The following BAZ1B variants were observed in gnomAD, a reference collection of about 807,000 sequenced individuals.
BAZ1B encodes the protein bromodomain adjacent to zinc finger domain 1B.
A neutral mutation model predicts 153.8 loss-of-function variants in BAZ1B; 22 were observed. The ratio of observed to expected loss-of-function variants is 0.14; its 90% confidence interval spans 0.10 to 0.20. The LOEUF (loss-of-function observed/expected upper bound fraction) is 0.20, where lower values mean the gene tolerates loss of function less well. Ranked by LOEUF, BAZ1B falls within the 10% of genes least tolerant of loss-of-function variation. BAZ1B has a pLI of 1.00. For missense variants in BAZ1B, 1,325 were observed against 1,799.3 expected (o/e 0.74, Z 4.77); for synonymous variants, 676 against 633.4 (o/e 1.07, Z -1.01).
At chr7:73,462,224 G>C (rs1788421331) in intron 12 of BAZ1B, among the ~76,000 whole-genome samples, 1 of 151,942 alleles carries the variant, frequency 6.6e-6, no homozygotes, top group Non-Finnish European at 1.5e-5. Context: ...GTAACAGAGG[G>C]GACTTCATTT....
At chr7:73,504,300 T>G (rs1289764473) in intron 3 of BAZ1B, among the ~76,000 whole-genome samples, 1 of 152,128 alleles carries the variant, frequency 6.6e-6, no homozygotes, top group South Asian at 2.1e-4. Flanking sequence ...GGGAGGATCA[T>G]GCAAGTCCAG....
In BAZ1B at chr7:73,442,259, T is replaced by C. The variant is rs1554565201; in HGVS notation, c.4389A>G (p.Glu1463=). The C allele has an allele frequency of 3.1e-6, 5 of 1,613,544 alleles. 1 individual carries two copies. In the South Asian group the frequency reaches 5.5e-5, roughly 18 times the overall value. Residue 1463 remains glutamate, a synonymous_variant, in exon 19 of 20, where the codon GAA becomes GAG. Coordinates refer to ENST00000339594, the MANE Select transcript of BAZ1B (RefSeq NM_032408.4). The part of the protein sequence containing the change: ...KRKKFPDRLA[E]DEGDSEPEAV... ...CCTCTGGCTCACTGTCCCCTTCATC[T>C]TCAGCAAGCCTATCAGGAAACTTCT...
intron 1 of BAZ1B, among the ~76,000 whole-genome samples, chr7:73,516,991 G>A (rs1025747350): frequency 7.3e-5 from 11 of 151,440 alleles, no homozygotes; most frequent in African/African-American, 2.7e-4. Context: ...AGACCAGCCT[G>A]GCCAACGTGG....
At chr7:73,471,264 A>G (rs1243639906) in intron 7 of BAZ1B, among the ~76,000 whole-genome samples, 2 of 152,242 alleles carry the variant, frequency 1.3e-5, no homozygotes, top group Non-Finnish European at 2.9e-5. Flanking sequence ...AAACCTGAAA[A>G]GCAACAGCAG....
At chr7:73,442,941 T>C in intron 17 of BAZ1B, 113 bp from the exon 18 acceptor site, 1 of 842,230 alleles carries the variant, frequency 1.2e-6, no homozygotes, top group South Asian at 1.7e-5. Context: ...ACTATTTCCT[T>C]GGCGCAGAGG....
intron 7 of BAZ1B, among the ~76,000 whole-genome samples, chr7:73,476,195 GTTTC>G (rs1239107024): frequency 1.1e-4 from 17 of 152,068 alleles, no homozygotes; most frequent in Admixed American, 5.9e-4. Flanking sequence ...TGGGTAGCAG[GTTTC>G]TTTGAGATGA....
chr7:73,451,139 G>A, intron 13 of BAZ1B, 145 bp from the exon 14 acceptor site: 2 of 1,126,210 alleles, frequency 1.8e-6, no homozygotes, highest in Middle Eastern at 4.2e-4. Context: ...TCTTATAAAA[G>A]GCTCCAAAGG....
At chr7:73,468,661 G>A (rs929129495) in intron 9 of BAZ1B, among the ~76,000 whole-genome samples, 5 of 151,964 alleles carry the variant, frequency 3.3e-5, no homozygotes, top group Non-Finnish European at 5.9e-5. Flanking sequence ...TATTACCAGT[G>A]TCCCTACATG....
chr7:73,521,776 TACCCCGGCCCAGCCCGGCCC>T (rs1563410821), intron 1 of BAZ1B, 31 bp downstream of exon 1: 15 of 1,420,572 alleles, frequency 1.1e-5, no homozygotes, highest in Middle Eastern at 1.8e-4. Context: ...CCCCAGGCCC[TACCCCGGCCCAGCCCGGCCC>T]AGCCCGGCCC....
chr7:73,462,468 CA>C (rs1788428201), intron 12 of BAZ1B: 1 of 173,726 alleles, frequency 5.8e-6, no homozygotes, highest in South Asian at 1.2e-4. Context: ...TCCCTCTGAG[CA>C]ATAAAGGACA....
chr7:73,514,224 A>C (rs1790700325), intron 1 of BAZ1B, among the ~76,000 whole-genome samples: 1 of 152,112 alleles, frequency 6.6e-6, no homozygotes, highest in African/African-American at 2.4e-5. Flanking sequence ...GCCAGAAAAA[A>C]ACAAAACAAA....
chr7:73,468,514 G>T (rs1427459850), intron 9 of BAZ1B, among the ~76,000 whole-genome samples: 1 of 151,790 alleles, frequency 6.6e-6, no homozygotes, highest in African/African-American at 2.4e-5. Flanking sequence ...ATTAAAATTT[G>T]TTTTATTTCT....
chr7:73,510,636 G>T, intron 2 of BAZ1B, 100 bp downstream of exon 2: 1 of 1,128,222 alleles, frequency 8.9e-7, no homozygotes, highest in Non-Finnish European at 1.3e-6. Context: ...TCTAATTTGT[G>T]CCCCATAAAC....
chr7:73,447,739 T>C (rs922097416), intron 15 of BAZ1B, among the ~76,000 whole-genome samples: 2 of 152,202 alleles, frequency 1.3e-5, no homozygotes, highest in Non-Finnish European at 2.9e-5. Context: ...CATCAGTTAC[T>C]AAAAGCTGTC....
chr7:73,515,779 C>A (rs1247788633), intron 1 of BAZ1B, among the ~76,000 whole-genome samples: 1 of 152,040 alleles, frequency 6.6e-6, no homozygotes, highest in Non-Finnish European at 1.5e-5. Context: ...TGGGCTCAAG[C>A]AATTCACCTG....
intron 1 of BAZ1B, among the ~76,000 whole-genome samples, chr7:73,513,675 T>A (rs1475525713): frequency 6.6e-6 from 1 of 152,102 alleles, no homozygotes; most frequent in African/African-American, 2.4e-5. Context: ...AGAGGAGGAA[T>A]CAGTAAGTGG....
rs112943619 is a variant in BAZ1B at position 73,470,555 on chromosome 7, T to C, written c.2594-72A>G. On this transcript the variant is annotated intron_variant, in intron 7 of 19. Coordinates refer to ENST00000339594, the MANE Select transcript of BAZ1B (RefSeq NM_032408.4). ...CCACTCTTACAAATTAAATAAAATA[T>C]GGAGTAAAAAGTGCCTAGTATACAG... 42 of 1,558,534 alleles carry C rather than the reference T, an allele frequency of 2.7e-5. No individual in the cohort carries two copies. The African/African-American group carries it at 4.4e-4, about 16-fold the overall frequency.
intron 5 of BAZ1B, among the ~76,000 whole-genome samples, chr7:73,492,249 G>A (rs1308639237): frequency 2.6e-5 from 4 of 152,174 alleles, no homozygotes; most frequent in Middle Eastern, 3.4e-3. Context: ...TGCAAGCTCC[G>A]CCTCCCAGGT....
chr7:73,471,429 TTTG>T (rs1563376853), intron 7 of BAZ1B, among the ~76,000 whole-genome samples: 3 of 152,236 alleles, frequency 2.0e-5, no homozygotes, highest in Non-Finnish European at 4.4e-5. Flanking sequence ...GCCCGCTAAT[TTTG>T]TTAAGTTTTT....
Sources: allele counts gnomAD v4.1 joint callset (sites outside exome capture counted in the v4.1 genomes callset), GRCh38; gene constraint gnomAD v4.1.1; transcripts MANE v1.5; gene names NCBI Gene and HGNC (gene_info 2026-07-23, HGNC 2026-07-21).